The following ANKRD35 variants were observed in gnomAD, a reference collection of about 807,000 sequenced individuals.
The protein encoded by ANKRD35 is ankyrin repeat domain 35.
A neutral mutation model predicts 109.9 loss-of-function variants in ANKRD35; 102 were observed. That is an observed-to-expected ratio of 0.93 (90% CI 0.79 to 1.09). The LOEUF (loss-of-function observed/expected upper bound fraction) is 1.09, where lower values mean the gene tolerates loss of function less well. Among genes scored for constraint, ANKRD35 ranks in the 50% least tolerant of loss-of-function variants. The pLI is 0.00. For synonymous variants in ANKRD35, 515 were observed against 512.4 expected (o/e 1.01, Z -0.07); for missense variants, 1,240 against 1,230.1 (o/e 1.01, Z -0.12).
chr1:145,882,868 T>G (rs927569411), intron 1 of ANKRD35, among the ~76,000 whole-genome samples: 9 of 152,178 alleles, frequency 5.9e-5, no homozygotes, highest in Admixed American at 3.9e-4. Flanking sequence ...GCTTTGTATT[T>G]CCATAGCTGA....
intron 10 of ANKRD35, among the ~76,000 whole-genome samples, chr1:145,870,692 G>C (rs1221795218): frequency 6.6e-6 from 1 of 151,426 alleles, no homozygotes; most frequent in Non-Finnish European, 1.5e-5. Context: ...CCACACTATA[G>C]AAAACATACA....
intron 1 of ANKRD35, among the ~76,000 whole-genome samples, chr1:145,884,761 T>G (rs782065159): frequency 2.6e-5 from 4 of 151,810 alleles, no homozygotes; most frequent in Non-Finnish European, 4.4e-5. Flanking sequence ...GAGAGTATCA[T>G]TCCTAAGCAA....
chr1:145,872,222 C>T lies in ANKRD35; in HGVS notation c.2547G>A (p.Trp849Ter). 6.2e-7 allele frequency: 1 copy of T among 1,610,768 alleles called. No homozygotes were observed. The highest frequency in any genetic ancestry group is 8.5e-7 in the Non-Finnish European group (1 of 1,178,656). Residue 849 changes from tryptophan (W) to a stop codon, truncating the protein, a stop_gained, in exon 10 of 14, where the codon TGG becomes TGA. Coordinates refer to ENST00000355594, the MANE Select transcript of ANKRD35 (RefSeq NM_144698.5). LOFTEE classifies it high-confidence loss of function. Reference sequence around the variant, plus strand: ...CCAACAGAGCCTTTAGCTCCTGGCCCCAAGCCTGAGCCTGGGCCACCAGCG... The same window carrying T: ...CCAACAGAGCCTTTAGCTCCTGGCCTCAAGCCTGAGCCTGGGCCACCAGCG... ...RGSLVAQAQA[W>*]GQELKALLEK...
chr1:145,875,114 A>G, intron 7 of ANKRD35, 108 bp from the exon 8 acceptor site: 1 of 1,124,300 alleles, frequency 8.9e-7, no homozygotes, highest in Non-Finnish European at 1.3e-6. Flanking sequence ...GGGTCAGGAG[A>G]ACAACAGACC....
chr1:145,878,896 T>C (rs1306565568), intron 2 of ANKRD35, among the ~76,000 whole-genome samples: 2 of 152,202 alleles, frequency 1.3e-5, no homozygotes, highest in African/African-American at 4.8e-5. Flanking sequence ...TCTAGCCATG[T>C]GACTCCCATG....
Position 145,874,882 on chromosome 1 carries a change from T to C in ANKRD35, c.685A>G (p.Thr229Ala). 3 of 1,613,246 alleles carry C rather than the reference T, an allele frequency of 1.9e-6. No individual in the cohort carries two copies. Among genetic ancestry groups the C allele is most frequent in the Non-Finnish European group, 2.5e-6 (3 of 1,179,538 alleles). Residue 229 changes from threonine to alanine, a missense_variant, in exon 8 of 14, where the codon ACA becomes GCA. Thr to Ala is a moderately conservative substitution (Grantham distance 58, BLOSUM62 0). Transcript: ENST00000355594. ...TGCCTCCACAGTGCCTTGTCTTGTG[T>C]GTGCAGAGCATAGTGCAGAGCATCA... Reference protein sequence around the residue: ...GHDALHYALHTQDKALWRHLQ... With the variant: ...GHDALHYALHAQDKALWRHLQ...
At position 145,873,730 on chromosome 1, in the gene ANKRD35, G is replaced by A. The variant is rs1433155087; in HGVS notation, c.1039C>T (p.Leu347Phe). The change falls in exon 10 of 14, where the codon CTC (leucine) becomes TTC (phenylalanine). Residue 347 changes from leucine to phenylalanine, a missense_variant. By Grantham distance (22) the Leu-to-Phe change is conservative (BLOSUM62 0). Transcript: ENST00000355594. Reference sequence around the variant, plus strand: ...GAAGCTCTGGGCTCCCAGGATAGGAGGACCCCTAGCTCCTGCGCCTGCTCT... The same window carrying A: ...GAAGCTCTGGGCTCCCAGGATAGGAAGACCCCTAGCTCCTGCGCCTGCTCT... Reference protein sequence around the residue: ...IREQAQELGVLLSWEPRASGK... With the variant: ...IREQAQELGVFLSWEPRASGK... The A allele has an allele frequency of 1.2e-6, 2 of 1,613,662 alleles. No homozygotes were observed. The highest frequency in any genetic ancestry group is 1.3e-5 in the African/African-American group (1 of 74,934).
In ANKRD35 at chr1:145,876,131, G is replaced by C; in HGVS notation, c.560+9C>G. On this transcript the variant is annotated intron_variant, in intron 7 of 13. Coordinates refer to ENST00000355594, the MANE Select transcript of ANKRD35 (RefSeq NM_144698.5). ...TGGGAATTGGGGTGCATAGACGAGG[G>C]GGGCTCACTTGTCATTCTTGTCTGT... 6.2e-6 allele frequency: 10 copies of C among 1,613,074 alleles called. No homozygotes were observed. The highest frequency in any genetic ancestry group is 8.5e-6 in the Non-Finnish European group (10 of 1,179,540).
intron 1 of ANKRD35, among the ~76,000 whole-genome samples, chr1:145,880,325 C>G (rs1281754713): frequency 6.6e-6 from 1 of 152,162 alleles, no homozygotes; most frequent in East Asian, 1.9e-4. Flanking sequence ...AAGGAAGAGA[C>G]AGATGCAAAG....
intron 10 of ANKRD35, among the ~76,000 whole-genome samples, chr1:145,870,725 G>A (rs1039856651): frequency 2.0e-5 from 3 of 150,454 alleles, no homozygotes; most frequent in African/African-American, 5.0e-5. Context: ...TATATATAAC[G>A]TTTTTTGAGG....
At chr1:145,867,606 A>G (rs952595445) in intron 12 of ANKRD35, among the ~76,000 whole-genome samples, 2 of 152,196 alleles carry the variant, frequency 1.3e-5, no homozygotes, top group Non-Finnish European at 2.9e-5. Context: ...AACCATGAAT[A>G]TGAAGCAAAG....
rs369201218 is a variant in ANKRD35 at position 145,872,354 on chromosome 1, C to A, written c.2415G>T (p.Gln805His). The A allele has an allele frequency of 3.0e-5, 48 of 1,613,002 alleles. No individual in the cohort carries two copies. The South Asian group carries it at 4.7e-4, about 16-fold the overall frequency. ...AVQATMSGKS[Q>H]EIGKLKQLLY... ...GCAGCTGCTTCAGCTTTCCGATCTC[C>A]TGGCTCTTCCCGCTCATCGTGGCCT... Residue 805 changes from glutamine (Q) to histidine (H), a missense_variant, in exon 10 of 14, where the codon CAG (glutamine) becomes CAT (histidine). By Grantham distance (24) the Gln-to-His change is conservative. Transcript: ENST00000355594.
At chr1:145,881,489 A>G (rs782556958) in intron 1 of ANKRD35, among the ~76,000 whole-genome samples, 1 of 152,216 alleles carries the variant, frequency 6.6e-6, no homozygotes, top group Non-Finnish European at 1.5e-5. Context: ...CTCAAAGGAC[A>G]AAATAAGCAA....
At chr1:145,867,208 G>A in intron 13 of ANKRD35, 79 bp downstream of exon 13, 2 of 982,138 alleles carry the variant, frequency 2.0e-6, no homozygotes, top group Admixed American at 1.8e-5. Flanking sequence ...GGGCAAAAGG[G>A]ACTAATTTCA....
At chr1:145,880,220 T>C (rs782353435) in intron 1 of ANKRD35, among the ~76,000 whole-genome samples, 1 of 152,122 alleles carries the variant, frequency 6.6e-6, no homozygotes, top group Non-Finnish European at 1.5e-5. Flanking sequence ...ATTATAATAA[T>C]TGAAGTGTTA....
intron 1 of ANKRD35, among the ~76,000 whole-genome samples, chr1:145,881,024 G>A (rs1164538373): frequency 2.6e-5 from 4 of 152,208 alleles, no homozygotes; most frequent in African/African-American, 9.7e-5. Context: ...GGTGGTTCAC[G>A]CCTGCAATCC....
At chr1:145,877,580 G>A (rs1156904417) in intron 4 of ANKRD35, among the ~76,000 whole-genome samples, 1 of 152,168 alleles carries the variant, frequency 6.6e-6, no homozygotes, top group Non-Finnish European at 1.5e-5. Flanking sequence ...TGATCCACAT[G>A]TCATTTTACA....
chr1:145,872,217 T>G lies in ANKRD35; in HGVS notation c.2552A>C (p.Gln851Pro). The G allele has an allele frequency of 6.2e-7, 1 of 1,610,106 alleles. No homozygotes were observed. Among genetic ancestry groups the G allele is most frequent in the African/African-American group, 1.3e-5 (1 of 74,946 alleles). Residue 851 changes from glutamine to proline, a missense_variant, in exon 10 of 14, where the codon CAG (glutamine) becomes CCG (proline). Physicochemically the swap from Gln to Pro is moderately conservative, Grantham distance 76. Transcript: ENST00000355594. ...SLVAQAQAWG[Q>P]ELKALLEKYN... is the part of the protein sequence containing the mutation. ...CTTTTCCAACAGAGCCTTTAGCTCC[T>G]GGCCCCAAGCCTGAGCCTGGGCCAC...
chr1:145,876,939 T>C (rs942770934), intron 4 of ANKRD35, 66 bp from the exon 5 acceptor site: 69 of 1,537,250 alleles, frequency 4.5e-5, no homozygotes, highest in Non-Finnish European at 5.8e-5. Context: ...CATACCCCCA[T>C]TGGGTCACCA....
Sources: allele counts gnomAD v4.1 joint callset (sites outside exome capture counted in the v4.1 genomes callset), GRCh38; gene constraint gnomAD v4.1.1; transcripts MANE v1.5; gene names NCBI Gene and HGNC (gene_info 2026-07-23, HGNC 2026-07-21).